The following SLC16A12 variants were observed in gnomAD, a reference collection of about 807,000 sequenced individuals.
SLC16A12 encodes the protein solute carrier family 16 member 12, also known as monocarboxylate transporter 12.
SLC16A12 carries 17 observed loss-of-function variants against 42.4 expected under a neutral mutation model. The ratio of observed to expected loss-of-function variants is 0.40; its 90% confidence interval spans 0.27 to 0.60. SLC16A12 has a LOEUF of 0.60. Among genes scored for constraint, SLC16A12 ranks in the 20% least tolerant of loss-of-function variants. The pLI is 0.42. For missense variants in SLC16A12, 544 were observed against 623.0 expected (o/e 0.87, Z 1.35); for synonymous variants, 224 against 229.4 (o/e 0.98, Z 0.21).
At chr10:89,452,164 A>G (rs911238989) in intron 3 of SLC16A12, among the ~76,000 whole-genome samples, 2 of 152,214 alleles carry the variant, frequency 1.3e-5, no homozygotes, top group African/African-American at 4.8e-5. Context: ...CCATATTTCC[A>G]TTCCCTTTCA....
At chr10:89,437,804 T>C (rs1328437607) in intron 6 of SLC16A12, among the ~76,000 whole-genome samples, 1 of 152,138 alleles carries the variant, frequency 6.6e-6, no homozygotes, top group Non-Finnish European at 1.5e-5. Flanking sequence ...TAGGAGAATA[T>C]GAGTAGCCTG....
At chr10:89,502,524 A>T (rs1843004221) in intron 2 of SLC16A12, among the ~76,000 whole-genome samples, 1 of 152,178 alleles carries the variant, frequency 6.6e-6, no homozygotes. Flanking sequence ...TCTTGCATGC[A>T]TTCACCTACT....
chr10:89,539,795 G>T (rs73363832), upstream of SLC16A12, among the ~76,000 whole-genome samples: 9,122 of 152,118 alleles, frequency 0.06, 912 homozygotes, highest in African/African-American at 0.21. Context: ...CAGCTGTACA[G>T]ATTAGGGCAA....
chr10:89,498,791 C>T (rs1842958067), intron 2 of SLC16A12, among the ~76,000 whole-genome samples: 1 of 152,156 alleles, frequency 6.6e-6, no homozygotes, highest in African/African-American at 2.4e-5. Context: ...CCCACAGACG[C>T]TCCACATCAT....
chr10:89,555,573 GTATATGTA>G (rs1442635471), intron 2 of SLC16A12, among the ~76,000 whole-genome samples: 39 of 105,918 alleles, frequency 3.7e-4, no homozygotes, highest in South Asian at 1.7e-3. Context: ...ATACGTATAT[GTATATGTA>G]TATATGTATA....
At chr10:89,461,837 C>T (rs1658043798) in intron 3 of SLC16A12, among the ~76,000 whole-genome samples, 1 of 152,122 alleles carries the variant, frequency 6.6e-6, no homozygotes, top group South Asian at 2.1e-4. Context: ...CTTTAAAATC[C>T]CCAGAAAAGT....
intron 2 of SLC16A12, among the ~76,000 whole-genome samples, chr10:89,488,403 C>T (rs2133802311): frequency 6.6e-6 from 1 of 152,238 alleles, no homozygotes; most frequent in African/African-American, 2.4e-5. Flanking sequence ...GATGCCAGCT[C>T]TTTGTTGGTG....
chr10:89,537,776 C>T (rs941385933), upstream of SLC16A12, among the ~76,000 whole-genome samples: 1 of 152,162 alleles, frequency 6.6e-6, no homozygotes, highest in Non-Finnish European at 1.5e-5. Flanking sequence ...ACTAGGACAC[C>T]GCACAAGGCT....
intron 2 of SLC16A12, among the ~76,000 whole-genome samples, chr10:89,511,940 C>G (rs1843167993): frequency 6.6e-6 from 1 of 151,908 alleles, no homozygotes; most frequent in Non-Finnish European, 1.5e-5. Flanking sequence ...AATGGATAGG[C>G]AAAATGTGGC....
Position 89,545,955 on chromosome 10 carries a change from T to G in SLC16A12, c.-47+9927A>C, listed in dbSNP as rs565755763. Among the ~76,000 whole-genome samples, 43 of 152,258 alleles carry G rather than the reference T, an allele frequency of 2.8e-4. 1 individual carries two copies. The highest frequency in any genetic ancestry group is 1.0e-3 in the African/African-American group (42 of 41,542). ...AATGGGGAAACAATCTCCTATTCGG[T>G]AGTAAATGGTGCTGGGAAAACTGGC... On this transcript the variant is annotated intron_variant, in intron 2 of 2. Transcript: ENST00000475682.
At chr10:89,436,461 ATC>A in intron 6 of SLC16A12, 142 bp from the exon 7 acceptor site, 1 of 1,021,496 alleles carries the variant, frequency 9.8e-7, no homozygotes, top group Non-Finnish European at 1.5e-6. Flanking sequence ...CTGTCTTCCT[ATC>A]TTTCTTTTTT....
chr10:89,464,774 T>C (rs7098523), intron 2 of SLC16A12, among the ~76,000 whole-genome samples: 4,899 of 152,102 alleles, frequency 0.032, 271 homozygotes, highest in African/African-American at 0.11. Context: ...AGAGCAGGGG[T>C]AGTGAGGCCA....
At chr10:89,472,545 T>A (rs1842517232) in intron 2 of SLC16A12, among the ~76,000 whole-genome samples, 1 of 138,678 alleles carries the variant, frequency 7.2e-6, no homozygotes, top group Non-Finnish European at 1.5e-5. Flanking sequence ...CAGGCTGGAG[T>A]GCAGTGGGGC....
Position 89,439,152 on chromosome 10 carries a change from A to G in SLC16A12, c.480T>C (p.Ala160=). The G allele has an allele frequency of 6.2e-7, 1 of 1,614,200 alleles. No individual in the cohort carries two copies. The highest frequency in any genetic ancestry group is 1.1e-5 in the South Asian group (1 of 91,068). Residue 160 remains alanine, a synonymous_variant, in exon 6 of 8, where the codon GCT becomes GCC. Coordinates refer to ENST00000371790, the MANE Select transcript of SLC16A12 (RefSeq NM_213606.4). The part of the protein sequence containing the change: ...GLGFALCYSP[A]IAMVGKYFSR... ...TGAAGTACTTGCCAACCATGGCAAT[A>G]GCTGGAGAGTAACAAAGTGCAAATC...
chr10:89,524,296 C>T (rs1327344749), intron 2 of SLC16A12, among the ~76,000 whole-genome samples: 3 of 152,164 alleles, frequency 2.0e-5, no homozygotes, highest in Non-Finnish European at 4.4e-5. Context: ...CACTCCCACC[C>T]ACTCCCTTGT....
chr10:89,436,996 C>T (rs1157717863), intron 6 of SLC16A12, among the ~76,000 whole-genome samples: 1 of 152,084 alleles, frequency 6.6e-6, no homozygotes, highest in Non-Finnish European at 1.5e-5. Context: ...CATCCCAGGC[C>T]ACAGGCAGCC....
chr10:89,485,113 T>G (rs1381006759), intron 2 of SLC16A12, among the ~76,000 whole-genome samples: 2 of 152,196 alleles, frequency 1.3e-5, no homozygotes, highest in East Asian at 3.8e-4. Context: ...CAGTTTCCTA[T>G]GGATCAGTCG....
At chr10:89,543,735 T>C (rs1843728597) in intron 2 of SLC16A12, among the ~76,000 whole-genome samples, 1 of 152,006 alleles carries the variant, frequency 6.6e-6, no homozygotes, top group Non-Finnish European at 1.5e-5. Flanking sequence ...CTTGGGAGGC[T>C]GAGGTGGGAG....
chr10:89,469,198 A>G (rs1334618569), intron 2 of SLC16A12, among the ~76,000 whole-genome samples: 1 of 152,212 alleles, frequency 6.6e-6, no homozygotes, highest in Non-Finnish European at 1.5e-5. Context: ...ACGACTGATG[A>G]ATTTTACTCA....
Sources: gnomAD v4.1 joint callset for allele counts (sites outside exome capture counted in the v4.1 genomes callset) on GRCh38, gnomAD v4.1.1 for gene constraint, MANE v1.5 for transcripts, NCBI Gene and HGNC (gene_info 2026-07-23, HGNC 2026-07-21) for gene names.